Variants in UBE2D2 observed in about 807,000 individuals in gnomAD.
UBE2D2 encodes ubiquitin conjugating enzyme E2 D2, also known as ubiquitin-conjugating enzyme E2 D2.
In UBE2D2, 2 loss-of-function variants were observed where a neutral mutation model predicts 24.2. The observed-to-expected ratio is 0.08, with a 90% CI of 0.03 to 0.26. The LOEUF is 0.26. UBE2D2 is among the 10% of genes least tolerant of loss of function. The probability of loss-of-function intolerance (pLI) is 1.00; values close to 1 mark genes in which losing one functional copy is unlikely to be tolerated. For missense variants in UBE2D2, 44 were observed against 177.6 expected (o/e 0.25, Z 4.28); for synonymous variants, 58 against 56.5 (o/e 1.03, Z -0.12).
chr5:139,571,183 T>C (rs939917721), intron 1 of UBE2D2, among the ~76,000 whole-genome samples: 2 of 151,264 alleles, frequency 1.3e-5, no homozygotes, highest in African/African-American at 4.9e-5. Context: ...CCGAGGCGGG[T>C]GGATCGTGAG....
intron 1 of UBE2D2, among the ~76,000 whole-genome samples, chr5:139,550,899 G>C (rs981890978): frequency 6.6e-6 from 1 of 152,136 alleles, no homozygotes; most frequent in African/African-American, 2.4e-5. Context: ...CTCATCATGA[G>C]AGTCTGGGGC....
chr5:139,625,440 CT>C (rs35630520), intron 6 of UBE2D2, among the ~76,000 whole-genome samples: 5 of 5,266 alleles, frequency 9.5e-4, no homozygotes, highest in South Asian at 0.026. Context: ...ACCCCCCCCC[CT>C]TTTTTTTTTT....
chr5:139,573,043 T>A (rs1345626083), intron 1 of UBE2D2, among the ~76,000 whole-genome samples: 1 of 152,130 alleles, frequency 6.6e-6, no homozygotes, highest in African/African-American at 2.4e-5. Flanking sequence ...GGCTCATGCC[T>A]GTAATCCCAG....
At chr5:139,595,383 T>C (rs542870047) in intron 1 of UBE2D2, among the ~76,000 whole-genome samples, 1 of 152,274 alleles carries the variant, frequency 6.6e-6, no homozygotes, top group African/African-American at 2.4e-5. Flanking sequence ...AATGACAGTT[T>C]TTTTTTTTCC....
At chr5:139,581,608 T>C (rs978245087) in intron 1 of UBE2D2, among the ~76,000 whole-genome samples, 1 of 151,696 alleles carries the variant, frequency 6.6e-6, no homozygotes, top group African/African-American at 2.4e-5. Context: ...AATTGATTTA[T>C]GTTTCATATA....
chr5:139,624,401 T>C (rs938139008), intron 6 of UBE2D2, among the ~76,000 whole-genome samples: 7 of 152,182 alleles, frequency 4.6e-5, no homozygotes, highest in African/African-American at 1.7e-4. Flanking sequence ...GTAGCTAGGA[T>C]TATAAGCATG....
At chr5:139,572,006 C>T (rs1455426371) in intron 1 of UBE2D2, among the ~76,000 whole-genome samples, 2 of 151,380 alleles carry the variant, frequency 1.3e-5, no homozygotes, top group Non-Finnish European at 2.9e-5. Context: ...CATCTTTATC[C>T]TTCCCATCTC....
chr5:139,611,331 C>T (rs1490938576), intron 2 of UBE2D2, among the ~76,000 whole-genome samples: 2 of 151,628 alleles, frequency 1.3e-5, no homozygotes, highest in African/African-American at 4.8e-5. Context: ...GGATTACAGA[C>T]GCCCGCCATC....
chr5:139,616,661 A>G lies in UBE2D2; in HGVS notation c.304+1695A>G, dbSNP rs558143310. Among the ~76,000 whole-genome samples, 4 of 152,342 alleles carry G rather than the reference A, an allele frequency of 2.6e-5. No individual in the cohort carries two copies. The East Asian group carries it at 7.7e-4, about 29-fold the overall frequency. Reference sequence around the variant, plus strand: ...ACACTCATATTCTTCAAGTAGAGGTATAGATTTGTAGAGCCCAGTCTGCCA... The same window carrying G: ...ACACTCATATTCTTCAAGTAGAGGTGTAGATTTGTAGAGCCCAGTCTGCCA... On this transcript the variant is annotated intron_variant, in intron 5 of 6. Transcript: ENST00000398733.
intron 2 of UBE2D2, chr5:139,612,334 T>A (rs532057035): frequency 6.5e-6 from 1 of 153,144 alleles, no homozygotes. Flanking sequence ...GTGAGTGACT[T>A]CTGTAGCTAA....
intron 1 of UBE2D2, among the ~76,000 whole-genome samples, chr5:139,530,031 T>C (rs1029491575): frequency 6.6e-6 from 1 of 152,150 alleles, no homozygotes; most frequent in African/African-American, 2.4e-5. Flanking sequence ...GTCTCAATTA[T>C]TGGACAGTAT....
At chr5:139,552,248 C>G (rs1168047897) in intron 1 of UBE2D2, among the ~76,000 whole-genome samples, 1 of 151,890 alleles carries the variant, frequency 6.6e-6, no homozygotes, top group Non-Finnish European at 1.5e-5. Flanking sequence ...CTGCAGCCTC[C>G]CCTTCCTGGG....
intron 1 of UBE2D2, among the ~76,000 whole-genome samples, chr5:139,594,256 A>T (rs999549060): frequency 2.0e-5 from 3 of 152,184 alleles, no homozygotes; most frequent in Non-Finnish European, 4.4e-5. Context: ...CTACTCAAGG[A>T]TATAGTGAAA....
intron 2 of UBE2D2, among the ~76,000 whole-genome samples, chr5:139,604,055 C>T (rs926320289): frequency 3.3e-5 from 5 of 151,444 alleles, no homozygotes; most frequent in Admixed American, 6.6e-5. Context: ...GATGCCATCA[C>T]GAAAGTGATA....
chr5:139,601,430 CCT>C (rs1438761617), intron 2 of UBE2D2, among the ~76,000 whole-genome samples: 1 of 151,928 alleles, frequency 6.6e-6, no homozygotes, highest in African/African-American at 2.4e-5. Flanking sequence ...ATGGTGAAGC[CCT>C]GTCTCTACAA....
chr5:139,576,201 C>A (rs746070640), intron 1 of UBE2D2, among the ~76,000 whole-genome samples: 11 of 152,200 alleles, frequency 7.2e-5, no homozygotes, highest in African/African-American at 2.4e-4. Flanking sequence ...TACCACAAAC[C>A]GGGTGGCTTA....
At chr5:139,565,042 G>C (rs1479580150) in intron 1 of UBE2D2, among the ~76,000 whole-genome samples, 1 of 152,026 alleles carries the variant, frequency 6.6e-6, no homozygotes, top group African/African-American at 2.4e-5. Context: ...AATCCCCATT[G>C]CTTGGCTTCT....
chr5:139,613,352 C>T (rs1754362193), intron 2 of UBE2D2, among the ~76,000 whole-genome samples: 1 of 152,118 alleles, frequency 6.6e-6, no homozygotes, highest in Non-Finnish European at 1.5e-5. Flanking sequence ...TGACAACTTC[C>T]CTTAGGTTGC....
At chr5:139,589,880 G>A (rs1397960036) in intron 1 of UBE2D2, among the ~76,000 whole-genome samples, 1 of 152,030 alleles carries the variant, frequency 6.6e-6, no homozygotes, top group East Asian at 1.9e-4. Flanking sequence ...CGCCTCCTGG[G>A]TTCACACCAT....
Sources: allele counts gnomAD v4.1 joint callset (sites outside exome capture counted in the v4.1 genomes callset), GRCh38; gene constraint gnomAD v4.1.1; transcripts MANE v1.5; gene names NCBI Gene and HGNC (gene_info 2026-07-23, HGNC 2026-07-21).